The following KLRB1 variants were observed in gnomAD, a reference collection of about 807,000 sequenced individuals.
The protein encoded by KLRB1 is killer cell lectin like receptor B1.
KLRB1 carries 27 observed loss-of-function variants against 33.5 expected under a neutral mutation model. The ratio of observed to expected loss-of-function variants is 0.81; its 90% CI spans 0.59 to 1.11. The LOEUF is 1.11. Ranked by LOEUF, KLRB1 falls within the 50% of genes most tolerant of loss-of-function variation. KLRB1 has a pLI of 0.00. For synonymous variants in KLRB1, 64 were observed against 88.9 expected (o/e 0.72, Z 1.58); for missense variants, 241 against 254.1 (o/e 0.95, Z 0.35).
Position 9,598,169 on chromosome 12 carries a change from TG to T in KLRB1, c.415-9del. The T allele has an allele frequency of 6.5e-7, 1 of 1,542,590 alleles. No homozygotes were observed. The highest frequency in any genetic ancestry group is 9.0e-7 in the Non-Finnish European group (1 of 1,116,788). Reference sequence around the variant, plus strand: ...CAGGTTCTGTGTGTGTATCTATAAATGGAACAGAAAAATATTGAATCTGCTT... The same window carrying T: ...CAGGTTCTGTGTGTGTATCTATAAATGAACAGAAAAATATTGAATCTGCTT... On this transcript the variant is annotated splice_polypyrimidine_tract_variant and intron_variant, in intron 4 of 5. Transcript: ENST00000229402.
At chr12:9,596,148 A>C (rs1864490544) in intron 5 of KLRB1, among the ~76,000 whole-genome samples, 1 of 152,138 alleles carries the variant, frequency 6.6e-6, no homozygotes, top group Non-Finnish European at 1.5e-5. Context: ...TATTTGTCTC[A>C]AACGGATGAG....
intron 1 of KLRB1, 162 bp downstream of exon 1, chr12:9,607,593 C>A: frequency 3.7e-6 from 2 of 546,174 alleles, no homozygotes; most frequent in Non-Finnish European, 6.6e-6. Context: ...ATTTTTTTTC[C>A]CAAAGTTGTG....
chr12:9,605,902 T>C (rs1163216851), intron 1 of KLRB1, among the ~76,000 whole-genome samples: 1 of 152,202 alleles, frequency 6.6e-6, no homozygotes, highest in African/African-American at 2.4e-5. Context: ...TTTGGGATCA[T>C]AGCAACATTT....
At chr12:9,597,285 A>G (rs1014573192) in intron 5 of KLRB1, among the ~76,000 whole-genome samples, 1 of 152,164 alleles carries the variant, frequency 6.6e-6, no homozygotes, top group Admixed American at 6.6e-5. Context: ...ATCTCTTTTG[A>G]AAAACTCATT....
rs1491505010 is a variant in KLRB1 at position 9,607,335 on chromosome 12, C to CT, written c.85+419_85+420insA. On this transcript the variant is annotated intron_variant, in intron 1 of 5. Coordinates refer to ENST00000229402, the MANE Select transcript of KLRB1 (RefSeq NM_002258.3). Reference sequence around the variant, plus strand: ...TTTCTTCTTTTCTTTCTCTTTCTTTCCTTTCTTTCTTTCTTTCTTCCTTTC... The same window carrying CT: ...TTTCTTCTTTTCTTTCTCTTTCTTTCTCTTTCTTTCTTTCTTTCTTCCTTTC... Among the ~76,000 whole-genome samples the CT allele has an allele frequency of 3.4e-4, 22 of 65,270 alleles. 1 individual carries two copies. The highest frequency in any genetic ancestry group is 8.5e-4 in the South Asian group (1 of 1,178). 42.8% of individuals were successfully genotyped at this position (65,270 alleles called of 152,430 possible).
Position 9,598,181 on chromosome 12 carries a change from A to T in KLRB1, c.415-20T>A, listed in dbSNP as rs777815119. The T allele has an allele frequency of 1.4e-6, 2 of 1,440,988 alleles. No individual in the cohort carries two copies. Among genetic ancestry groups the T allele is most frequent in the African/African-American group, 2.8e-5 (2 of 71,514 alleles). The allele number at this position is 1,440,988 out of a possible 1,614,324, so 89.3% of individuals were successfully genotyped here. ...GTGTATCTATAAATGGAACAGAAAA[A>T]TATTGAATCTGCTTATCTATTCCTG... is the stretch of plus-strand genomic sequence containing the variant. On this transcript the variant is annotated intron_variant, in intron 4 of 5. Coordinates refer to ENST00000229402, the MANE Select transcript of KLRB1 (RefSeq NM_002258.3).
At chr12:9,599,947 T>A in intron 2 of KLRB1, 106 bp from the exon 3 acceptor site, 2 of 641,988 alleles carry the variant, frequency 3.1e-6, no homozygotes, top group Non-Finnish European at 5.5e-6. Flanking sequence ...CACGCTTGAA[T>A]ATGGACAGAA....
chr12:9,601,462 GAGTA>G (rs747133429), intron 2 of KLRB1, 35 bp downstream of exon 2: 15 of 1,426,052 alleles, frequency 1.1e-5, no homozygotes, highest in African/African-American at 9.8e-5. Flanking sequence ...AATGGAAGTA[GAGTA>G]AGTATTATGA....
In KLRB1 at chr12:9,598,128, T is replaced by C; in HGVS notation, c.448A>G (p.Ile150Val). The change falls in exon 5 of 6, where the codon ATT becomes GTT. Residue 150 changes from isoleucine to valine, a missense_variant. Coordinates refer to ENST00000229402, the MANE Select transcript of KLRB1 (RefSeq NM_002258.3). ...AAATTTAATCCAATCCAAAACAGAA[T>C]TGCTTTGTCACGTATCAGGTTCTGT... is the stretch of plus-strand genomic sequence containing the variant. ...HTQNLIRDKA[I>V]LFWIGLNFSL... 6.2e-7 allele frequency: 1 copy of C among 1,602,432 alleles called. No individual in the cohort carries two copies. The highest frequency in any genetic ancestry group is 2.2e-5 in the East Asian group (1 of 44,722).
At chr12:9,601,654 C>T in intron 1 of KLRB1, 55 bp from the exon 2 acceptor site, 1 of 1,233,604 alleles carries the variant, frequency 8.1e-7, no homozygotes, top group Non-Finnish European at 1.2e-6. Flanking sequence ...AACAAAAAAC[C>T]TTGGTTAACT....
intron 1 of KLRB1, among the ~76,000 whole-genome samples, chr12:9,607,329 TTCTTTCCTTTCTTTCTTTCTTTCTTC>T (rs1864620610): frequency 3.6e-5 from 2 of 54,796 alleles, no homozygotes; most frequent in Non-Finnish European, 4.6e-5. Context: ...TTCTTTCTCT[TTCTTTCCTTTCTTTCTTTCTTTCTTC>T]CTTTCTTTCT....
chr12:9,604,020 T>G (rs1026008813), intron 1 of KLRB1, among the ~76,000 whole-genome samples: 4 of 133,258 alleles, frequency 3.0e-5, no homozygotes, highest in South Asian at 2.1e-4. Context: ...TAAAAGTTGT[T>G]TTTTTTTTTT....
intron 1 of KLRB1, among the ~76,000 whole-genome samples, chr12:9,606,756 ATATATT>A (rs1208481947): frequency 1.6e-4 from 5 of 31,540 alleles, no homozygotes; most frequent in African/African-American, 4.0e-4. Flanking sequence ...ATATATATAT[ATATATT>A]TTTTTTTTTT....
At chr12:9,601,322 TC>T (rs1234597003) in intron 2 of KLRB1, among the ~76,000 whole-genome samples, 178 bp downstream of exon 2, 6 of 150,820 alleles carry the variant, frequency 4.0e-5, no homozygotes, top group African/African-American at 1.5e-4. Context: ...GTTCCCCGGG[TC>T]CCCTTATTTC....
intron 3 of KLRB1, 70 bp from the exon 4 acceptor site, chr12:9,598,723 T>A: frequency 9.6e-7 from 1 of 1,039,754 alleles, no homozygotes; most frequent in Non-Finnish European, 1.4e-6. Context: ...CCACAACCAA[T>A]CACACACACA....
chr12:9,604,883 C>T (rs745312223), intron 1 of KLRB1, among the ~76,000 whole-genome samples: 1 of 152,032 alleles, frequency 6.6e-6, no homozygotes, highest in African/African-American at 2.4e-5. Context: ...TACATGGGCA[C>T]AATGTGCAGG....
At position 9,600,319 on chromosome 12, in the gene KLRB1, C is replaced by T. The variant is rs759982339; in HGVS notation, c.185-478G>A. 2.0e-4 allele frequency among the ~76,000 whole-genome samples: 30 copies of T among 152,102 alleles called. No individual in the cohort carries two copies. In the South Asian group the frequency reaches 2.3e-3, roughly 12 times the overall value. ...TTCTTGGGCCACATATATAATACCC[C>T]GTGATGACTCTCAGGGCAGTTAGGA... On this transcript the variant is annotated intron_variant, in intron 2 of 5. Transcript: ENST00000229402.
chr12:9,598,356 GT>G, intron 4 of KLRB1, 142 bp downstream of exon 4: 1 of 738,826 alleles, frequency 1.4e-6, no homozygotes, highest in Non-Finnish European at 2.3e-6. Context: ...TTAATTATTT[GT>G]TTACATATCC....
chr12:9,597,773 T>A (rs1277820382), intron 5 of KLRB1, among the ~76,000 whole-genome samples: 2 of 152,202 alleles, frequency 1.3e-5, no homozygotes, highest in East Asian at 3.8e-4. Flanking sequence ...TCACTATTTT[T>A]AATTTAATGT....
Sources: allele counts gnomAD v4.1 joint callset (sites outside exome capture counted in the v4.1 genomes callset), GRCh38; gene constraint gnomAD v4.1.1; transcripts MANE v1.5; gene names NCBI Gene and HGNC (gene_info 2026-07-23, HGNC 2026-07-21).